ATRNL1: variants seen among roughly 807,000 people sequenced by gnomAD.
ATRNL1 encodes the protein attractin-like protein 1.
In ATRNL1, 95 loss-of-function variants were observed where a neutral mutation model predicts 182.7. The observed-to-expected ratio is 0.52, with a 90% CI of 0.44 to 0.62. ATRNL1 has a LOEUF of 0.62. Among genes scored for constraint, ATRNL1 ranks in the 20% least tolerant of loss-of-function variants. The pLI is 0.00. For missense variants in ATRNL1, 1,471 were observed against 1,679.5 expected (o/e 0.88, Z 2.17); for synonymous variants, 576 against 568.3 (o/e 1.01, Z -0.19).
rs371782713 is a variant in ATRNL1 at position 115,404,980 on chromosome 10, A to T, written c.3269+10228A>T. ...GTCAGAATGGTTCCCAATACATGAT[A>T]GAATTGTTGGAATTGCTAATAAAAA... On this transcript the variant is annotated intron_variant, in intron 20 of 28. Coordinates refer to ENST00000355044, the MANE Select transcript of ATRNL1 (RefSeq NM_207303.4). Among the ~76,000 whole-genome samples the T allele has an allele frequency of 5.3e-5, 8 of 152,302 alleles. No homozygotes were observed. In the East Asian group the frequency reaches 9.6e-4, roughly 18 times the overall value.
At chr10:115,096,690 A>T (rs1554863226) in intron 1 of ATRNL1, 3 of 1,288,774 alleles carry the variant, frequency 2.3e-6, no homozygotes, top group Non-Finnish European at 3.0e-6. Context: ...TTTCTTGAGG[A>T]TAGAAGATTG....
intron 18 of ATRNL1, among the ~76,000 whole-genome samples, chr10:115,317,809 G>A (rs1313521291): frequency 6.6e-6 from 1 of 152,116 alleles, no homozygotes. Flanking sequence ...AAATGATGGG[G>A]TTTTCTAAAC....
intron 25 of ATRNL1, among the ~76,000 whole-genome samples, chr10:115,538,774 C>G (rs1311520244): frequency 6.6e-6 from 1 of 152,148 alleles, no homozygotes; most frequent in African/African-American, 2.4e-5. Flanking sequence ...CTCTCCCTAA[C>G]TCAAGTTAAC....
At chr10:115,436,451 T>C (rs564537553) in intron 21 of ATRNL1, among the ~76,000 whole-genome samples, 19 of 152,214 alleles carry the variant, frequency 1.2e-4, no homozygotes, top group Middle Eastern at 3.4e-3. Flanking sequence ...TTTTCAGAGT[T>C]TGGATTATAA....
chr10:115,197,027 T>C (rs1449100201), intron 8 of ATRNL1, among the ~76,000 whole-genome samples: 1 of 152,164 alleles, frequency 6.6e-6, no homozygotes, highest in Non-Finnish European at 1.5e-5. Context: ...ACATGACTTT[T>C]ATCAGGTTGA....
At chr10:115,612,455 C>T (rs1255179344) in intron 26 of ATRNL1, among the ~76,000 whole-genome samples, 1 of 152,086 alleles carries the variant, frequency 6.6e-6, no homozygotes, top group Non-Finnish European at 1.5e-5. Context: ...GATGCTAATC[C>T]AGGATATGTG....
intron 10 of ATRNL1, among the ~76,000 whole-genome samples, chr10:115,258,537 GCTTCCTTGCAATGGGTTCGAACATC>G: frequency 6.6e-6 from 1 of 151,804 alleles, no homozygotes; most frequent in Non-Finnish European, 1.5e-5. Context: ...AAGGTTTTTA[GCTTCCTTGCAATGGGTTCGAACATC>G]CTCCTTTAGC....
chr10:115,323,062 A>T (rs9971149), intron 18 of ATRNL1, among the ~76,000 whole-genome samples: 2 of 151,790 alleles, frequency 1.3e-5, no homozygotes, highest in South Asian at 2.1e-4. Context: ...GTTTTCAAAT[A>T]ATTTTTATTT....
chr10:115,677,800 G>A (rs1441161089), intron 26 of ATRNL1, among the ~76,000 whole-genome samples: 1 of 151,994 alleles, frequency 6.6e-6, no homozygotes, highest in East Asian at 1.9e-4. Context: ...TACCTATCTA[G>A]GTGATGTTCC....
At chr10:115,380,362 A>G (rs942273594) in intron 19 of ATRNL1, among the ~76,000 whole-genome samples, 2 of 152,336 alleles carry the variant, frequency 1.3e-5, no homozygotes, top group Admixed American at 6.5e-5. Flanking sequence ...CTGTTAAAAT[A>G]TAATTCATAC....
rs539251701 is a variant in ATRNL1, at chr10:115,456,894, A to T, written c.3323-5047A>T. ...TCCTGTAGTTCAGCAAGTGGGAGGG[A>T]GTGGCATCCAGTGGCTTTTTTGCTC... On this transcript the variant is annotated intron_variant, in intron 21 of 28. Transcript: ENST00000355044. Among the ~76,000 whole-genome samples, 6 of 152,146 alleles carry T rather than the reference A, an allele frequency of 3.9e-5. No homozygotes were observed. In the South Asian group the frequency reaches 1.0e-3, roughly 26 times the overall value.
At chr10:115,360,959 C>G (rs1436359506) in intron 19 of ATRNL1, among the ~76,000 whole-genome samples, 2 of 151,748 alleles carry the variant, frequency 1.3e-5, no homozygotes, top group Non-Finnish European at 2.9e-5. Context: ...AAATTCTTAC[C>G]AACGTATCAG....
At chr10:115,678,168 G>T (rs1555043641) in intron 26 of ATRNL1, among the ~76,000 whole-genome samples, 2 of 152,022 alleles carry the variant, frequency 1.3e-5, no homozygotes, top group Non-Finnish European at 2.9e-5. Flanking sequence ...TCAACAAAGA[G>T]AGGAAGTGAG....
At chr10:115,489,000 A>G (rs1006074365) in intron 24 of ATRNL1, among the ~76,000 whole-genome samples, 4 of 152,150 alleles carry the variant, frequency 2.6e-5, no homozygotes, top group Non-Finnish European at 5.9e-5. Flanking sequence ...GTCATTCAGG[A>G]GCAGGTTTTT....
At chr10:115,769,238 G>A (rs183824640) in intron 27 of ATRNL1, among the ~76,000 whole-genome samples, 1 of 152,202 alleles carries the variant, frequency 6.6e-6, no homozygotes. Context: ...AACCGTATAG[G>A]TTTCTTTGGA....
intron 5 of ATRNL1, among the ~76,000 whole-genome samples, chr10:115,158,955 C>T (rs1184351076): frequency 2.6e-5 from 4 of 151,294 alleles, no homozygotes; most frequent in Admixed American, 1.3e-4. Flanking sequence ...GATTATATGC[C>T]ATAGTATATG....
At chr10:115,150,602 A>G (rs1554880356) in intron 5 of ATRNL1, among the ~76,000 whole-genome samples, 1 of 152,032 alleles carries the variant, frequency 6.6e-6, no homozygotes, top group African/African-American at 2.4e-5. Flanking sequence ...TTGATCATTT[A>G]GGAACATGTT....
chr10:115,791,286 A>G (rs1483730828), intron 27 of ATRNL1, among the ~76,000 whole-genome samples: 2 of 152,096 alleles, frequency 1.3e-5, no homozygotes, highest in Non-Finnish European at 2.9e-5. Context: ...ATTTTTCTCC[A>G]TAACATCCAT....
chr10:115,802,317 A>G (rs1482740846), intron 27 of ATRNL1, among the ~76,000 whole-genome samples: 1 of 152,142 alleles, frequency 6.6e-6, no homozygotes, highest in African/African-American at 2.4e-5. Flanking sequence ...AAAGTAAACT[A>G]AAGGTCTGAT....
Sources: gnomAD v4.1 joint callset for allele counts (sites outside exome capture counted in the v4.1 genomes callset) on GRCh38, gnomAD v4.1.1 for gene constraint, MANE v1.5 for transcripts, NCBI Gene and HGNC (gene_info 2026-07-23, HGNC 2026-07-21) for gene names.